Variants in ARID1B observed in about 807,000 individuals in gnomAD.
The protein encoded by ARID1B is AT-rich interactive domain-containing protein 1B.
A neutral mutation model predicts 212.3 loss-of-function variants in ARID1B; 30 were observed. The ratio of observed to expected loss-of-function variants is 0.14; its 90% CI spans 0.11 to 0.19. ARID1B has a LOEUF of 0.19. ARID1B is among the 10% of genes least tolerant of loss of function. The pLI is 1.00. For missense variants in ARID1B, 2,891 were observed against 3,204.0 expected (o/e 0.90, Z 2.36); for synonymous variants, 1,402 against 1,301.7 (o/e 1.08, Z -1.66).
At chr6:157,128,577 A>G (rs932745414) in intron 6 of ARID1B, among the ~76,000 whole-genome samples, 2 of 152,220 alleles carry the variant, frequency 1.3e-5, no homozygotes, top group African/African-American at 4.8e-5. Flanking sequence ...TATATGGTCT[A>G]TGCCATTATT....
chr6:156,779,468 C>T lies in ARID1B; in HGVS notation c.1788C>T (p.Ser596=), dbSNP rs1256849725. Residue 596 remains serine, a synonymous_variant, in exon 1 of 20, where the codon TCC becomes TCT. Transcript: ENST00000636930. ...PGTPGPTMGR[S]QGSPMDPMVM... ...CCCCCGGACCGACCATGGGCAGATCCCAGGTAACCCTCGCGCCAGCCGGGC... is the reference window on the plus strand; with the variant it reads ...CCCCCGGACCGACCATGGGCAGATCTCAGGTAACCCTCGCGCCAGCCGGGC... 2 of 1,402,034 alleles carry T rather than the reference C, an allele frequency of 1.4e-6. No individual in the cohort carries two copies. Among genetic ancestry groups the T allele is most frequent in the Non-Finnish European group, 1.9e-6 (2 of 1,072,188 alleles). 86.8% of individuals were successfully genotyped at this position (1,402,034 alleles called of 1,614,324 possible). A position where few individuals can be genotyped will look rare whatever the true frequency, so the allele number is the denominator to read the frequency against.
intron 4 of ARID1B, among the ~76,000 whole-genome samples, chr6:156,966,343 A>G (rs1297183109): frequency 6.6e-6 from 1 of 151,680 alleles, no homozygotes; most frequent in Non-Finnish European, 1.5e-5. Flanking sequence ...AATTTAAGGG[A>G]AAATCACTAC....
intron 6 of ARID1B, among the ~76,000 whole-genome samples, chr6:157,127,783 C>CAAA (rs61172896): frequency 0.014 from 814 of 56,676 alleles, 53 homozygotes; most frequent in African/African-American, 0.047. Flanking sequence ...GACTCTGTCT[C>CAAA]AAAAAAAAAA....
At chr6:156,906,335 G>C (rs980367781) in intron 3 of ARID1B, among the ~76,000 whole-genome samples, 2 of 151,848 alleles carry the variant, frequency 1.3e-5, no homozygotes, top group Non-Finnish European at 2.9e-5. Flanking sequence ...ATCACCTGAG[G>C]TCAGGAGTTC....
chr6:156,894,406 T>G (rs1369964965), intron 2 of ARID1B, among the ~76,000 whole-genome samples: 2 of 152,234 alleles, frequency 1.3e-5, no homozygotes, highest in African/African-American at 4.8e-5. Context: ...TGGTGATGGT[T>G]GGCCAACAGT....
intron 3 of ARID1B, among the ~76,000 whole-genome samples, chr6:156,905,246 GCACGCACACACA>G (rs1205295906): frequency 1.3e-5 from 1 of 76,004 alleles, no homozygotes; most frequent in East Asian, 2.3e-4. Flanking sequence ...GCTCACATAT[GCACGCACACACA>G]CACACACACA....
At position 157,208,250 on chromosome 6, in the gene ARID1B, A is replaced by G. The variant is rs577336040; in HGVS notation, c.*359A>G. ...GAAGCAAATTGACTTTAAAGAAAAA[A>G]GTTGTGGCAAAAGATGCTAAGATGC... On this transcript the variant is annotated 3_prime_UTR_variant, in exon 20 of 20. Transcript: ENST00000636930. 3.2e-4 allele frequency: 78 copies of G among 245,558 alleles called. No homozygotes were observed. The highest frequency in any genetic ancestry group is 1.6e-3 in the African/African-American group (74 of 45,914). 15.2% of individuals were successfully genotyped at this position (245,558 alleles called of 1,614,324 possible). A position where few individuals can be genotyped will look rare whatever the true frequency, so the allele number is the denominator to read the frequency against.
intron 2 of ARID1B, among the ~76,000 whole-genome samples, chr6:156,892,691 G>A (rs1017945153): frequency 1.3e-5 from 2 of 152,054 alleles, no homozygotes; most frequent in African/African-American, 4.8e-5. Context: ...TTCCAGCCAG[G>A]CCCCATATCC....
chr6:157,025,874 A>G (rs916160833), intron 4 of ARID1B, among the ~76,000 whole-genome samples: 1 of 89,452 alleles, frequency 1.1e-5, no homozygotes, highest in Non-Finnish European at 3.1e-5. Flanking sequence ...TTACCTTTGT[A>G]AGAAACTACC....
intron 1 of ARID1B, among the ~76,000 whole-genome samples, chr6:156,802,758 G>GT (rs1327447259): frequency 3.3e-5 from 5 of 152,096 alleles, no homozygotes; most frequent in South Asian, 2.1e-4. Flanking sequence ...TATTGGCATT[G>GT]TTTTTTTGTG....
intron 3 of ARID1B, among the ~76,000 whole-genome samples, chr6:156,926,438 G>T (rs747771776): frequency 5.9e-5 from 9 of 152,124 alleles, no homozygotes; most frequent in Non-Finnish European, 1.2e-4. Context: ...AGGGGAGGAG[G>T]TTGGAGGCAT....
intron 3 of ARID1B, among the ~76,000 whole-genome samples, chr6:156,919,089 C>G (rs1020946040): frequency 2.6e-5 from 4 of 152,062 alleles, no homozygotes; most frequent in African/African-American, 9.7e-5. Context: ...GTTAGAATGT[C>G]TTTTGGTATG....
chr6:156,917,128 GTCACCA>G (rs1351889219), intron 3 of ARID1B, among the ~76,000 whole-genome samples: 1 of 151,910 alleles, frequency 6.6e-6, no homozygotes, highest in East Asian at 1.9e-4. Context: ...TATTTAAGAA[GTCACCA>G]TTTTTTTTTT....
chr6:157,083,580 C>T (rs544043533), intron 4 of ARID1B, among the ~76,000 whole-genome samples: 2 of 152,306 alleles, frequency 1.3e-5, no homozygotes, highest in South Asian at 4.1e-4. Flanking sequence ...TACAGTCTGT[C>T]CTCAGTAACG....
chr6:157,131,488 C>T (rs931538901), intron 6 of ARID1B, among the ~76,000 whole-genome samples: 2 of 151,792 alleles, frequency 1.3e-5, no homozygotes, highest in African/African-American at 4.8e-5. Flanking sequence ...GAGGAGGGAA[C>T]GGGGGAGAGA....
chr6:157,143,414 A>G (rs1789507345), intron 7 of ARID1B, among the ~76,000 whole-genome samples: 1 of 150,620 alleles, frequency 6.6e-6, no homozygotes, highest in South Asian at 2.1e-4. Flanking sequence ...TATTTTGGGA[A>G]GAAAGATACG....
At chr6:157,123,181 T>G (rs1040369873) in intron 6 of ARID1B, among the ~76,000 whole-genome samples, 1 of 137,282 alleles carries the variant, frequency 7.3e-6, no homozygotes, top group African/African-American at 2.7e-5. Flanking sequence ...TTGAGATCTT[T>G]CTCTGTCTCT....
intron 2 of ARID1B, among the ~76,000 whole-genome samples, chr6:156,881,366 A>G (rs550416453): frequency 6.6e-6 from 1 of 152,346 alleles, no homozygotes; most frequent in South Asian, 2.1e-4. Context: ...AAGAAATTGC[A>G]TAATTTCTAC....
At chr6:156,995,979 C>T (rs1351208248) in intron 4 of ARID1B, among the ~76,000 whole-genome samples, 3 of 152,106 alleles carry the variant, frequency 2.0e-5, no homozygotes, top group Non-Finnish European at 4.4e-5. Flanking sequence ...ATATAAGCTG[C>T]GGAAAAACCT....
Sources: allele counts gnomAD v4.1 joint callset (sites outside exome capture counted in the v4.1 genomes callset), GRCh38; gene constraint gnomAD v4.1.1; transcripts MANE v1.5; gene names NCBI Gene and HGNC (gene_info 2026-07-23, HGNC 2026-07-21).